ROR2: variants seen among roughly 807,000 people sequenced by gnomAD.
The protein encoded by ROR2 is tyrosine-protein kinase transmembrane receptor ROR2.
In ROR2, 33 loss-of-function variants were observed where a neutral mutation model predicts 74.9. The observed-to-expected ratio is 0.44, with a 90% CI of 0.33 to 0.59. ROR2 has a LOEUF of 0.59. Among genes scored for constraint, ROR2 ranks in the 20% least tolerant of loss-of-function variants. The pLI is 0.02. For synonymous variants in ROR2, 586 were observed against 558.7 expected, an observed-to-expected ratio of 1.05 and a Z score of -0.69; for missense variants, 1,216 against 1,313.8, an observed-to-expected ratio of 0.93 and a Z score of 1.15.
intron 1 of ROR2, among the ~76,000 whole-genome samples, chr9:91,904,300 A>G (rs1830755715): frequency 1.3e-5 from 2 of 152,144 alleles, no homozygotes; most frequent in Non-Finnish European, 2.9e-5. Flanking sequence ...AGAAACTCAG[A>G]GCTCCCTGCC....
chr9:91,818,500 T>A (rs1052300959), intron 1 of ROR2, among the ~76,000 whole-genome samples: 7 of 96,248 alleles, frequency 7.3e-5, no homozygotes, highest in Admixed American at 2.8e-4. Flanking sequence ...GGGCCCCTCA[T>A]GCCACCTGGA....
intron 1 of ROR2, among the ~76,000 whole-genome samples, chr9:91,921,379 CACTT>C (rs1466187975): frequency 3.9e-5 from 6 of 152,174 alleles, no homozygotes; most frequent in South Asian, 4.1e-4. Context: ...CGTATACACA[CACTT>C]ACATATATGG....
chr9:91,901,784 C>T (rs1451844541), intron 1 of ROR2, among the ~76,000 whole-genome samples: 1 of 114,130 alleles, frequency 8.8e-6, no homozygotes. Flanking sequence ...CGAATGCACT[C>T]CAGCCTGGGA....
chr9:91,762,015 G>A (rs1025956500), intron 2 of ROR2, among the ~76,000 whole-genome samples: 1 of 152,134 alleles, frequency 6.6e-6, no homozygotes, highest in South Asian at 2.1e-4. Flanking sequence ...TTCTTTCTTG[G>A]CAATAATTGT....
chr9:91,949,182 C>T (rs753735942), intron 1 of ROR2, among the ~76,000 whole-genome samples: 55 of 151,952 alleles, frequency 3.6e-4, no homozygotes, highest in Non-Finnish European at 6.6e-4. Flanking sequence ...ATCCCAGTCA[C>T]AAACCATTTC....
intron 4 of ROR2, among the ~76,000 whole-genome samples, chr9:91,755,522 G>A (rs1017114642): frequency 2.0e-5 from 3 of 152,234 alleles, no homozygotes; most frequent in Non-Finnish European, 2.9e-5. Context: ...GGCCACAGTG[G>A]AATAACCTCG....
At chr9:91,781,558 C>T (rs1032613211) in intron 1 of ROR2, among the ~76,000 whole-genome samples, 2 of 152,226 alleles carry the variant, frequency 1.3e-5, no homozygotes, top group Non-Finnish European at 2.9e-5. Flanking sequence ...AGCCTTGAGA[C>T]TGTTTCGGGG....
At chr9:91,782,608 C>G (rs1266484031) in intron 1 of ROR2, among the ~76,000 whole-genome samples, 1 of 136,516 alleles carries the variant, frequency 7.3e-6, no homozygotes, top group Non-Finnish European at 1.6e-5. Flanking sequence ...AAAAAAAAAC[C>G]CTCATAATGT....
chr9:91,814,739 C>T (rs766441301), intron 1 of ROR2, among the ~76,000 whole-genome samples: 3 of 152,178 alleles, frequency 2.0e-5, no homozygotes, highest in Non-Finnish European at 4.4e-5. Flanking sequence ...TTCTGCCTTT[C>T]AAGGATCTGG....
rs929712749 is a variant in ROR2, at chr9:91,814,978, G to A, written c.98-39160C>T. 8.3e-4 allele frequency among the ~76,000 whole-genome samples: 127 copies of A among 152,300 alleles called. 1 individual carries two copies. The highest frequency in any genetic ancestry group is 3.4e-3 in the Middle Eastern group (1 of 294). ...CTGACACAGTCGGTGACAATGCCTCGAAGCACCTGCAAGTGATTGTCCCCA... is the reference window on the plus strand; with the variant it reads ...CTGACACAGTCGGTGACAATGCCTCAAAGCACCTGCAAGTGATTGTCCCCA... On this transcript the variant is annotated intron_variant, in intron 1 of 8. Transcript: ENST00000375708.
At chr9:91,759,895 G>A (rs1180865152) in intron 2 of ROR2, among the ~76,000 whole-genome samples, 1 of 152,108 alleles carries the variant, frequency 6.6e-6, no homozygotes, top group Non-Finnish European at 1.5e-5. Context: ...ACTCAGATGG[G>A]GCCATCATTA....
At chr9:91,757,163 C>G in intron 3 of ROR2, 109 bp downstream of exon 3, 1 of 1,417,806 alleles carries the variant, frequency 7.1e-7, no homozygotes, top group Non-Finnish European at 9.8e-7. Flanking sequence ...ATTGCTCTCC[C>G]CTCGTGCTGA....
At chr9:91,833,669 C>T (rs1172791730) in intron 1 of ROR2, among the ~76,000 whole-genome samples, 1 of 152,180 alleles carries the variant, frequency 6.6e-6, no homozygotes, top group Non-Finnish European at 1.5e-5. Context: ...GAGCTGCCTG[C>T]ACTCCTGCCA....
rs1837302693 is a variant in ROR2 at position 91,733,080 on chromosome 9, C to T, written c.937+42G>A. The T allele has an allele frequency of 6.5e-7, 1 of 1,535,042 alleles. No homozygotes were observed. Among genetic ancestry groups the T allele is most frequent in the African/African-American group, 1.4e-5 (1 of 73,386 alleles). ...ATACACATTTCAAGGGCCCTACACT[C>T]CCTGCGCCCCCCGGTCCCGCCCCGG... On this transcript the variant is annotated intron_variant, in intron 6 of 8. Coordinates refer to ENST00000375708, the MANE Select transcript of ROR2 (RefSeq NM_004560.4). This position sits in a 1 kb window ranked among gnomAD's most constrained non-coding sequence, Gnocchi z 5.7.
chr9:91,907,830 C>T (rs1830859047), intron 1 of ROR2, among the ~76,000 whole-genome samples: 1 of 152,216 alleles, frequency 6.6e-6, no homozygotes, highest in African/African-American at 2.4e-5. Flanking sequence ...ACAAGGTCTT[C>T]AGGTTACCCA....
At chr9:91,893,653 A>C (rs929995674) in intron 1 of ROR2, among the ~76,000 whole-genome samples, 1 of 152,108 alleles carries the variant, frequency 6.6e-6, no homozygotes, top group African/African-American at 2.4e-5. Context: ...GCCCAGACTA[A>C]TACACCACAT....
At chr9:91,883,268 G>A (rs1587817982) in intron 1 of ROR2, 2 of 152,284 alleles carry the variant, frequency 1.3e-5, no homozygotes, top group East Asian at 1.9e-4. Context: ...CTTGGAAGAC[G>A]AGATCCAGAA....
chr9:91,831,748 G>A (rs546332132), intron 1 of ROR2, among the ~76,000 whole-genome samples: 2 of 152,286 alleles, frequency 1.3e-5, no homozygotes, highest in South Asian at 2.1e-4. Context: ...CCAGGAGGCG[G>A]AGCTTGCAGT....
chr9:91,945,430 T>A (rs1351472818), intron 1 of ROR2, among the ~76,000 whole-genome samples: 1 of 152,130 alleles, frequency 6.6e-6, no homozygotes, highest in East Asian at 1.9e-4. Context: ...CCTCCCCCAC[T>A]CCAGGAGGAC....
Sources: allele counts gnomAD v4.1 joint callset (sites outside exome capture counted in the v4.1 genomes callset), GRCh38; gene constraint gnomAD v4.1.1; non-coding constraint Gnocchi (gnomAD v3.1); transcripts MANE v1.5; gene names NCBI Gene and HGNC (gene_info 2026-07-23, HGNC 2026-07-21).